The following SRBD1 variants were observed in gnomAD, a reference collection of about 807,000 sequenced individuals.
The protein encoded by SRBD1 is S1 RNA-binding domain-containing protein 1.
In SRBD1, 88 loss-of-function variants were observed where a neutral mutation model predicts 115.3. The observed-to-expected ratio is 0.76, with a 90% CI of 0.64 to 0.91. The LOEUF is 0.91. SRBD1 is among the 40% of genes least tolerant of loss of function. The pLI is 0.00. For synonymous variants in SRBD1, 509 were observed against 407.7 expected (o/e 1.25, Z -2.99); for missense variants, 1,385 against 1,177.4 (o/e 1.18, Z -2.58).
intron 14 of SRBD1, among the ~76,000 whole-genome samples, chr2:45,500,576 T>C (rs935096489): frequency 1.5e-4 from 23 of 152,078 alleles, no homozygotes; most frequent in African/African-American, 5.5e-4. Context: ...GCACATGCCA[T>C]CATGCCCAGC....
In SRBD1 at chr2:45,504,535, A is replaced by G. The variant is rs144795259; in HGVS notation, c.1875-16204T>C. Among the ~76,000 whole-genome samples the G allele has an allele frequency of 7.2e-4, 109 of 152,342 alleles. 1 individual carries two copies. Among genetic ancestry groups the G allele is most frequent in the Admixed American group, 3.3e-3 (50 of 15,306 alleles). On this transcript the variant is annotated intron_variant, in intron 14 of 20. Transcript: ENST00000263736. ...AGGAAATAGTTTACTCAAAGCATAC[A>G]GCCAATTATAATTTAACCATAATAT...
intron 19 of SRBD1, among the ~76,000 whole-genome samples, chr2:45,404,143 G>A (rs115587870): frequency 2.6e-4 from 40 of 152,224 alleles, no homozygotes; most frequent in African/African-American, 6.5e-4. Context: ...AGGATATCTC[G>A]TCAGATCAAA....
chr2:45,437,141 G>A (rs1262214634), intron 16 of SRBD1, among the ~76,000 whole-genome samples: 1 of 152,094 alleles, frequency 6.6e-6, no homozygotes, highest in Non-Finnish European at 1.5e-5. Flanking sequence ...TTTCATGTAT[G>A]TGGGTAGGAT....
intron 14 of SRBD1, among the ~76,000 whole-genome samples, chr2:45,530,425 GA>G (rs1410034334): frequency 6.6e-6 from 1 of 151,736 alleles, no homozygotes; most frequent in South Asian, 2.1e-4. Context: ...ATTTAAAAAA[GA>G]AAAAAGCAAC....
intron 16 of SRBD1, among the ~76,000 whole-genome samples, chr2:45,438,129 T>C (rs550211027): frequency 4.8e-4 from 73 of 152,288 alleles, no homozygotes; most frequent in African/African-American, 1.6e-3. Context: ...ATTTATATGG[T>C]AACTCTCTGT....
At chr2:45,439,023 G>A (rs1231635226) in intron 16 of SRBD1, among the ~76,000 whole-genome samples, 1 of 152,100 alleles carries the variant, frequency 6.6e-6, no homozygotes, top group Non-Finnish European at 1.5e-5. Context: ...ACAACAATAT[G>A]AGTAATGGTT....
intron 19 of SRBD1, among the ~76,000 whole-genome samples, chr2:45,404,003 C>G: frequency 6.6e-6 from 1 of 152,072 alleles, no homozygotes; most frequent in South Asian, 2.1e-4. Flanking sequence ...GATTTACGCC[C>G]TCCAGGAGCC....
At chr2:45,420,657 T>C (rs1459837571) in intron 16 of SRBD1, among the ~76,000 whole-genome samples, 1 of 152,224 alleles carries the variant, frequency 6.6e-6, no homozygotes, top group African/African-American at 2.4e-5. Context: ...ACATTCAGTG[T>C]TCAACTCTTC....
chr2:45,603,061 C>A (rs928514241), intron 2 of SRBD1, among the ~76,000 whole-genome samples: 2 of 152,044 alleles, frequency 1.3e-5, no homozygotes, highest in African/African-American at 4.8e-5. Context: ...AATTAGAAAA[C>A]CAATGAAATA....
intron 16 of SRBD1, among the ~76,000 whole-genome samples, chr2:45,432,616 A>C (rs1668374509): frequency 1.3e-5 from 2 of 152,310 alleles, no homozygotes; most frequent in South Asian, 4.1e-4. Context: ...CTGGTACAAG[A>C]AGCAAGAGGG....
intron 19 of SRBD1, among the ~76,000 whole-genome samples, chr2:45,393,430 G>A (rs1667060432): frequency 6.6e-6 from 1 of 152,162 alleles, no homozygotes; most frequent in Admixed American, 6.5e-5. Flanking sequence ...ACCTAGGCTG[G>A]AGTGCAGTGA....
rs756791375 is a variant in SRBD1 at position 45,605,405 on chromosome 2, G to A, written c.37C>T (p.Gln13Ter). 1 of 1,613,504 alleles carries A rather than the reference G, an allele frequency of 6.2e-7. No homozygotes were observed. Among genetic ancestry groups the A allele is most frequent in the Non-Finnish European group, 8.5e-7 (1 of 1,179,966 alleles). ...SLPRRAKVQV[Q>*]DVVLKDEFSS... is the part of the protein sequence containing the mutation. ...AATTCATCTTTCAGTACCACATCCTGGACCTGTACTTTCGCTCTTCTTGGC... is the reference window on the plus strand; with the variant it reads ...AATTCATCTTTCAGTACCACATCCTAGACCTGTACTTTCGCTCTTCTTGGC... Residue 13 changes from glutamine (Q) to a stop codon, truncating the protein, a stop_gained, in exon 2 of 21, where the codon CAG becomes TAG. Transcript: ENST00000263736. LOFTEE classifies it high-confidence loss of function.
chr2:45,416,828 G>A (rs1377793864), intron 18 of SRBD1, among the ~76,000 whole-genome samples: 3 of 152,116 alleles, frequency 2.0e-5, no homozygotes, highest in African/African-American at 4.8e-5. Flanking sequence ...GCCCAGGCTG[G>A]AGTGCAGCGG....
chr2:45,479,257 A>G (rs1010276228), intron 15 of SRBD1, among the ~76,000 whole-genome samples: 3 of 152,164 alleles, frequency 2.0e-5, no homozygotes, highest in African/African-American at 7.2e-5. Flanking sequence ...TGTTCAAGTA[A>G]AAGGAAGAGT....
chr2:45,569,091 A>G (rs973032408), intron 9 of SRBD1: 2 of 147,198 alleles, frequency 1.4e-5, no homozygotes, highest in African/African-American at 5.3e-5. Context: ...ACCTTTCAGG[A>G]AATACTTGTG....
chr2:45,575,774 G>C (rs1343679644), intron 7 of SRBD1, among the ~76,000 whole-genome samples: 1 of 152,108 alleles, frequency 6.6e-6, no homozygotes, highest in Non-Finnish European at 1.5e-5. Context: ...TGCGATCTTG[G>C]CTCACTGCAA....
At chr2:45,564,813 C>T (rs1019692651) in intron 9 of SRBD1, among the ~76,000 whole-genome samples, 1 of 152,062 alleles carries the variant, frequency 6.6e-6, no homozygotes, top group Non-Finnish European at 1.5e-5. Context: ...CTGAAACCCA[C>T]GCATAAGGAG....
At chr2:45,443,434 C>T (rs1292259418) in intron 16 of SRBD1, among the ~76,000 whole-genome samples, 2 of 151,912 alleles carry the variant, frequency 1.3e-5, no homozygotes, top group Admixed American at 6.6e-5. Context: ...GACAGTACTG[C>T]GGTTTTAATT....
rs531065642 is a variant in SRBD1 at position 45,522,783 on chromosome 2, T to G, written c.1874+23949A>C. Among the ~76,000 whole-genome samples, 3 of 152,208 alleles carry G rather than the reference T, an allele frequency of 2.0e-5. No homozygotes were observed. In the South Asian group the frequency reaches 6.2e-4, roughly 31 times the overall value. On this transcript the variant is annotated intron_variant, in intron 14 of 20. Coordinates refer to ENST00000263736, the MANE Select transcript of SRBD1 (RefSeq NM_018079.5). ...CTCTTTCTTACAATTTTCTTAACATTTTCTTTTCTCTGGCTTACTTTATTG... is the reference window on the plus strand; with the variant it reads ...CTCTTTCTTACAATTTTCTTAACATGTTCTTTTCTCTGGCTTACTTTATTG...
Sources: gnomAD v4.1 joint callset for allele counts (sites outside exome capture counted in the v4.1 genomes callset) on GRCh38, gnomAD v4.1.1 for gene constraint, MANE v1.5 for transcripts, NCBI Gene and HGNC (gene_info 2026-07-23, HGNC 2026-07-21) for gene names.